ADAMTS17: variants seen among roughly 807,000 people sequenced by gnomAD.
ADAMTS17 encodes the protein A disintegrin and metalloproteinase with thrombospondin motifs 17.
In ADAMTS17, 113 loss-of-function variants were observed where a neutral mutation model predicts 141.5. That is an observed-to-expected ratio of 0.80 (90% CI 0.69 to 0.93). The LOEUF (loss-of-function observed/expected upper bound fraction) is 0.93, where lower values mean the gene tolerates loss of function less well. ADAMTS17 is among the 40% of genes least tolerant of loss of function. ADAMTS17 has a pLI of 0.00. For synonymous variants in ADAMTS17, 768 were observed against 630.6 expected (o/e 1.22, Z -3.27); for missense variants, 1,659 against 1,517.9 (o/e 1.09, Z -1.54).
chr15:100,097,503 C>T (rs1194483272), intron 14 of ADAMTS17, among the ~76,000 whole-genome samples: 1 of 152,264 alleles, frequency 6.6e-6, no homozygotes, highest in Admixed American at 6.5e-5. Context: ...GCAGGCAGGG[C>T]TTAGAGCTAG....
intron 15 of ADAMTS17, among the ~76,000 whole-genome samples, chr15:100,093,572 T>A (rs2035592210): frequency 6.6e-6 from 1 of 152,042 alleles, no homozygotes; most frequent in Non-Finnish European, 1.5e-5. Context: ...CCATGCTGGG[T>A]CTCGCAAGGA....
chr15:100,304,722 T>G (rs771618187), intron 3 of ADAMTS17, among the ~76,000 whole-genome samples: 1 of 152,202 alleles, frequency 6.6e-6, no homozygotes, highest in Non-Finnish European at 1.5e-5. Flanking sequence ...GCCGCCTTTG[T>G]GCATTTTGGT....
chr15:100,331,140 C>T (rs2141955443), intron 2 of ADAMTS17, 86 bp from the exon 3 acceptor site: 1 of 1,548,910 alleles, frequency 6.5e-7, no homozygotes, highest in African/African-American at 1.4e-5. Context: ...GCAAGACCAC[C>T]TTGCTGTGAT....
At chr15:100,024,676 T>C (rs542073288) in intron 18 of ADAMTS17, among the ~76,000 whole-genome samples, 240 of 152,304 alleles carry the variant, frequency 1.6e-3, no homozygotes, top group African/African-American at 5.3e-3. Context: ...AGGCTTTACA[T>C]TGTGAAGGGG....
At chr15:100,340,930 C>T (rs2141996553) in intron 2 of ADAMTS17, 109 bp downstream of exon 2, 1 of 1,463,706 alleles carries the variant, frequency 6.8e-7, no homozygotes. Context: ...CCTCCGGTTC[C>T]CCTGGAGGCT....
intron 14 of ADAMTS17, among the ~76,000 whole-genome samples, chr15:100,104,767 G>A (rs1051875380): frequency 6.6e-6 from 1 of 152,006 alleles, no homozygotes; most frequent in African/African-American, 2.4e-5. Context: ...GGCCCCTGAG[G>A]TTTTAACATT....
intron 8 of ADAMTS17, among the ~76,000 whole-genome samples, chr15:100,172,180 C>T (rs143142269): frequency 1.1e-4 from 16 of 152,298 alleles, no homozygotes; most frequent in Admixed American, 2.6e-4. Context: ...CCAAGTGTGG[C>T]TGCACAGTGG....
intron 3 of ADAMTS17, among the ~76,000 whole-genome samples, chr15:100,294,739 T>A (rs1323161826): frequency 6.6e-6 from 1 of 152,118 alleles, no homozygotes; most frequent in Non-Finnish European, 1.5e-5. Flanking sequence ...CTCCCCAACA[T>A]CCCACTCTAA....
At position 99,993,273 on chromosome 15, in the gene ADAMTS17, C is replaced by G; in HGVS notation, c.2797-73G>C. On this transcript the variant is annotated intron_variant, in intron 19 of 21. Coordinates refer to ENST00000268070, the MANE Select transcript of ADAMTS17 (RefSeq NM_139057.4). This position sits in a 1 kb window ranked among gnomAD's most constrained non-coding sequence, Gnocchi z 4.3. ...GTCCATCAACAGCTATTAACTCCCTCCAATGTGCCAGGTGCGGTGTGGGGA... is the reference window on the plus strand; with the variant it reads ...GTCCATCAACAGCTATTAACTCCCTGCAATGTGCCAGGTGCGGTGTGGGGA... 1 of 1,589,760 alleles carries G rather than the reference C, an allele frequency of 6.3e-7. No homozygotes were observed. Among genetic ancestry groups the G allele is most frequent in the Admixed American group, 1.7e-5 (1 of 59,994 alleles).
At chr15:100,252,281 GCATTCATT>G (rs550256378) in intron 7 of ADAMTS17, among the ~76,000 whole-genome samples, 11 of 152,138 alleles carry the variant, frequency 7.2e-5, no homozygotes, top group African/African-American at 1.7e-4. Context: ...CCCTTCACCT[GCATTCATT>G]CATTCATTCA....
In ADAMTS17 at chr15:99,999,839, G is replaced by C. The variant is rs577058362; in HGVS notation, c.2592-2250C>G. 1.6e-4 allele frequency among the ~76,000 whole-genome samples: 24 copies of C among 152,292 alleles called. No individual in the cohort carries two copies. The East Asian group carries it at 4.6e-3, about 29-fold the overall frequency. ...CGGCATCTCTGGCGCTGAGAAGACAGAGCCACCTGGGCTCCTCCCTCCACC... is the reference window on the plus strand; with the variant it reads ...CGGCATCTCTGGCGCTGAGAAGACACAGCCACCTGGGCTCCTCCCTCCACC... On this transcript the variant is annotated intron_variant, in intron 18 of 21. Transcript: ENST00000268070.
intron 7 of ADAMTS17, among the ~76,000 whole-genome samples, chr15:100,237,453 A>C (rs562605190): frequency 1.3e-5 from 2 of 152,172 alleles, no homozygotes; most frequent in Non-Finnish European, 2.9e-5. Context: ...CGACGACAGG[A>C]AGAGGGTGGC....
chr15:100,054,100 G>A (rs1196975111), intron 15 of ADAMTS17, 46 bp from the exon 16 acceptor site: 4 of 1,610,910 alleles, frequency 2.5e-6, no homozygotes, highest in African/African-American at 1.3e-5. Context: ...CTGGGGGTAG[G>A]GGGATCCAGC....
chr15:100,251,939 G>A (rs1026995322), intron 7 of ADAMTS17, among the ~76,000 whole-genome samples: 1 of 152,278 alleles, frequency 6.6e-6, no homozygotes, highest in East Asian at 1.9e-4. Flanking sequence ...CCGACACCTG[G>A]ATCTAGGACT....
chr15:100,180,973 T>C (rs1401303893), intron 8 of ADAMTS17, among the ~76,000 whole-genome samples: 4 of 152,176 alleles, frequency 2.6e-5, no homozygotes, highest in Non-Finnish European at 5.9e-5. Flanking sequence ...AGTCAAAACC[T>C]TAGAAATCTA....
In ADAMTS17 at chr15:100,227,357, C is replaced by A. The variant is rs557367683; in HGVS notation, c.1075+26779G>T. 4.4e-5 allele frequency among the ~76,000 whole-genome samples: 6 copies of A among 135,248 alleles called. No individual in the cohort carries two copies. The South Asian group carries it at 1.2e-3, about 27-fold the overall frequency. The allele number at this position is 135,248 out of a possible 152,430, so 88.7% of individuals were successfully genotyped here. ...CCCACATCAGAAATCCTCACTACCC[C>A]CTCCAATCCTCCCCATTCCACCTCC... On this transcript the variant is annotated intron_variant, in intron 7 of 21. Transcript: ENST00000268070.
At chr15:100,068,917 A>C (rs190161403) in intron 15 of ADAMTS17, among the ~76,000 whole-genome samples, 14 of 152,344 alleles carry the variant, frequency 9.2e-5, no homozygotes, top group Non-Finnish European at 1.8e-4. Context: ...AGCTGAGAGA[A>C]GAAGGCTTCA....
At chr15:100,304,965 T>C (rs1278629645) in intron 3 of ADAMTS17, among the ~76,000 whole-genome samples, 2 of 152,218 alleles carry the variant, frequency 1.3e-5, no homozygotes, top group East Asian at 1.9e-4. Flanking sequence ...TTAGTAACAT[T>C]TTCTTTTCTC....
At chr15:100,075,307 C>G (rs111469749) in intron 15 of ADAMTS17, among the ~76,000 whole-genome samples, 4,797 of 152,160 alleles carry the variant, frequency 0.032, 269 homozygotes, top group African/African-American at 0.11. Flanking sequence ...ATGCATTTTT[C>G]TGCCAGTTTC....
Sources: gnomAD v4.1 joint callset for allele counts (sites outside exome capture counted in the v4.1 genomes callset) on GRCh38, gnomAD v4.1.1 for gene constraint, Gnocchi (gnomAD v3.1) non-coding constraint, MANE v1.5 for transcripts, NCBI Gene and HGNC (gene_info 2026-07-23, HGNC 2026-07-21) for gene names.